Variants in CLASP1 observed in about 807,000 individuals in gnomAD.
The protein encoded by CLASP1 is CLIP-associating protein 1.
Under a neutral mutation model 192.3 loss-of-function variants are expected in CLASP1, and 38 were observed. The ratio of observed to expected loss-of-function variants is 0.20; its 90% CI spans 0.15 to 0.26. The LOEUF is 0.26. Ranked by LOEUF, CLASP1 falls within the 10% of genes least tolerant of loss-of-function variation. CLASP1 has a pLI of 1.00. For synonymous variants in CLASP1, 691 were observed against 712.8 expected (o/e 0.97, Z 0.49); for missense variants, 1,433 against 1,932.5 (o/e 0.74, Z 4.85).
At chr2:121,500,338 GAAAGAA>G (rs1435549723) in intron 8 of CLASP1, among the ~76,000 whole-genome samples, 2 of 115,672 alleles carry the variant, frequency 1.7e-5, no homozygotes, top group Non-Finnish European at 1.8e-5. Context: ...AAGAAGGAAA[GAAAGAA>G]AAAGAAAGAA....
intron 8 of CLASP1, among the ~76,000 whole-genome samples, chr2:121,488,504 T>C (rs2093120476): frequency 1.3e-5 from 2 of 152,220 alleles, no homozygotes; most frequent in African/African-American, 4.8e-5. Context: ...TCCAGAGCAC[T>C]TGGCCTGACA....
At chr2:121,600,504 T>TA (rs2105864408) in intron 2 of CLASP1, among the ~76,000 whole-genome samples, 1 of 152,342 alleles carries the variant, frequency 6.6e-6, no homozygotes. Context: ...AGTCAAGTCT[T>TA]AATCTTTCAT....
intron 8 of CLASP1, among the ~76,000 whole-genome samples, chr2:121,479,177 C>G (rs1346641089): frequency 6.6e-6 from 1 of 151,116 alleles, no homozygotes; most frequent in Non-Finnish European, 1.5e-5. Context: ...GGTAGACGTG[C>G]TAGCCAGGGA....
At chr2:121,622,704 C>T (rs930595820) in intron 1 of CLASP1, among the ~76,000 whole-genome samples, 1 of 152,038 alleles carries the variant, frequency 6.6e-6, no homozygotes, top group Non-Finnish European at 1.5e-5. Flanking sequence ...AAATGTGTAA[C>T]AATAAAATTA....
At chr2:121,400,612 G>A (rs2076020763) in intron 28 of CLASP1, among the ~76,000 whole-genome samples, 1 of 152,192 alleles carries the variant, frequency 6.6e-6, no homozygotes, top group Non-Finnish European at 1.5e-5. Context: ...CAGAAATCCT[G>A]GATTTGCGTT....
At chr2:121,550,232 T>C (rs1229163683) in intron 2 of CLASP1, among the ~76,000 whole-genome samples, 3 of 152,128 alleles carry the variant, frequency 2.0e-5, no homozygotes, top group African/African-American at 7.2e-5. Flanking sequence ...TCAGAATCTC[T>C]GGGACACAGC....
rs575668648 is a variant in CLASP1 at position 121,606,372 on chromosome 2, G to A, written c.-285-192C>T. Among the ~76,000 whole-genome samples the A allele has an allele frequency of 9.9e-5, 15 of 152,250 alleles. No homozygotes were observed. The South Asian group carries it at 1.0e-3, about 11-fold the overall frequency. On this transcript the variant is annotated intron_variant, in intron 1 of 39. Coordinates refer to ENST00000263710, the Ensembl canonical transcript of CLASP1. Reference sequence around the variant, plus strand: ...TATTATTTTTATCAGGAAGAACATCGAAGCCCAAAGAAGAGCCAATGAGCC... The same window carrying A: ...TATTATTTTTATCAGGAAGAACATCAAAGCCCAAAGAAGAGCCAATGAGCC...
chr2:121,482,781 C>T (rs2092691041), intron 8 of CLASP1, among the ~76,000 whole-genome samples: 1 of 152,160 alleles, frequency 6.6e-6, no homozygotes, highest in East Asian at 1.9e-4. Flanking sequence ...TAGAAACGTC[C>T]ACCATTCCTC....
chr2:121,397,293 C>A lies in CLASP1; in HGVS notation c.2980-10G>T. The A allele has an allele frequency of 6.2e-7, 1 of 1,611,134 alleles. No individual in the cohort carries two copies. Among genetic ancestry groups the A allele is most frequent in the Non-Finnish European group, 8.5e-7 (1 of 1,177,774 alleles). On this transcript the variant is annotated splice_polypyrimidine_tract_variant and intron_variant, in intron 29 of 39. Transcript: ENST00000263710. Reference sequence around the variant, plus strand: ...GGATTGCAACTTTGACCTGAAAGAACCAATAATTATAAACATTAAGTACAC... The same window carrying A: ...GGATTGCAACTTTGACCTGAAAGAAACAATAATTATAAACATTAAGTACAC...
intron 1 of CLASP1, among the ~76,000 whole-genome samples, chr2:121,641,351 G>C (rs72956553): frequency 6.7e-6 from 1 of 148,876 alleles, no homozygotes; most frequent in Non-Finnish European, 1.5e-5. Context: ...AAAAAAAACA[G>C]GTATCGCCCA....
At chr2:121,572,164 C>T (rs1016395552) in intron 2 of CLASP1, among the ~76,000 whole-genome samples, 3 of 152,210 alleles carry the variant, frequency 2.0e-5, no homozygotes, top group African/African-American at 7.2e-5. Context: ...CGCAGTGGCT[C>T]ATGCCTGTAA....
chr2:121,589,182 C>T (rs544731064), intron 2 of CLASP1, among the ~76,000 whole-genome samples: 22 of 152,172 alleles, frequency 1.4e-4, no homozygotes, highest in Non-Finnish European at 2.2e-4. Flanking sequence ...CAGTGACGTG[C>T]CCATCCATCT....
intron 1 of CLASP1, among the ~76,000 whole-genome samples, chr2:121,648,256 A>C (rs2073545908): frequency 6.6e-6 from 1 of 152,190 alleles, no homozygotes. Flanking sequence ...TGGCACCCAA[A>C]TAGGGTCCAA....
intron 2 of CLASP1, among the ~76,000 whole-genome samples, chr2:121,578,799 T>G (rs2060823662): frequency 6.6e-6 from 1 of 151,958 alleles, no homozygotes; most frequent in Non-Finnish European, 1.5e-5. Flanking sequence ...CAATTGCTTC[T>G]TAAAAGCACA....
chr2:121,557,808 C>G lies in CLASP1; in HGVS notation c.196-27483G>C, dbSNP rs550434866. Among the ~76,000 whole-genome samples the G allele has an allele frequency of 3.3e-5, 5 of 151,596 alleles. No individual in the cohort carries two copies. The South Asian group carries it at 1.0e-3, about 32-fold the overall frequency. ...GAATACCTATTATGTGTAGGCTGGG[C>G]ACGGTGGCTCATGCCTGTAATCCTA... is the stretch of plus-strand genomic sequence containing the variant. On this transcript the variant is annotated intron_variant, in intron 2 of 39. Transcript: ENST00000263710.
At chr2:121,382,222 G>A in exon 33 of CLASP1, 1 of 1,608,148 alleles carries the variant, frequency 6.2e-7, no homozygotes, top group South Asian at 1.1e-5. Context: ...GAGAGTAAGA[G>A]CGCCTGAGAG....
intron 8 of CLASP1, among the ~76,000 whole-genome samples, chr2:121,491,238 C>G (rs558602864): frequency 1.3e-5 from 2 of 152,282 alleles, no homozygotes; most frequent in East Asian, 3.9e-4. Context: ...GTTATGATTA[C>G]TTGTTATCTA....
chr2:121,460,578 AT>A (rs1313419789), intron 11 of CLASP1, among the ~76,000 whole-genome samples: 1 of 152,172 alleles, frequency 6.6e-6, no homozygotes, highest in Admixed American at 6.5e-5. Context: ...GCTGGTCTGA[AT>A]TTGAAATACA....
intron 6 of CLASP1, among the ~76,000 whole-genome samples, chr2:121,524,830 G>A (rs936613175): frequency 5.9e-5 from 9 of 152,174 alleles, no homozygotes; most frequent in South Asian, 2.1e-4. Flanking sequence ...GACAGCAGAC[G>A]ACAGGCAGTG....
Sources: allele counts gnomAD v4.1 joint callset (sites outside exome capture counted in the v4.1 genomes callset), GRCh38; gene constraint gnomAD v4.1.1; transcripts MANE v1.5; gene names NCBI Gene and HGNC (gene_info 2026-07-23, HGNC 2026-07-21).